ROS1: variants seen among roughly 807,000 people sequenced by gnomAD.
ROS1 encodes the protein ROS proto-oncogene 1, receptor tyrosine kinase.
A neutral mutation model predicts 273.5 loss-of-function variants in ROS1; 263 were observed. The ratio of observed to expected loss-of-function variants is 0.96; its 90% CI spans 0.87 to 1.06. The LOEUF (loss-of-function observed/expected upper bound fraction) is 1.06. Ranked by LOEUF, ROS1 falls within the 50% of genes least tolerant of loss-of-function variation. The pLI is 0.00. For synonymous variants in ROS1, 1,008 were observed against 954.1 expected, an observed-to-expected ratio of 1.06 and a Z score of -1.04; for missense variants, 2,833 against 2,751.1, an observed-to-expected ratio of 1.03 and a Z score of -0.67.
chr6:117,383,401 G>C lies in ROS1; in HGVS notation c.2397C>G (p.Thr799=). ...VDSVGGYLYW[T]TLYSVESTRL... is the part of the protein sequence containing the mutation. ...TGGTGCTTTCCACTGAATAGAGTGT[G>C]GTCCAGTAGAGATATCCACCAACTG... The change falls in exon 17 of 44, where the codon ACC becomes ACG. Residue 799 remains threonine, a synonymous_variant. Coordinates refer to ENST00000368507, the MANE Select transcript of ROS1 (RefSeq NM_001378902.1). The C allele has an allele frequency of 6.2e-7, 1 of 1,613,776 alleles. No individual in the cohort carries two copies. The highest frequency in any genetic ancestry group is 8.5e-7 in the Non-Finnish European group (1 of 1,179,742).
chr6:117,354,734 G>A (rs954955636), intron 26 of ROS1, among the ~76,000 whole-genome samples: 25 of 152,072 alleles, frequency 1.6e-4, no homozygotes, highest in African/African-American at 6.0e-4. Context: ...ATATATAATG[G>A]TCTACTAGGT....
intron 16 of ROS1, among the ~76,000 whole-genome samples, chr6:117,384,277 A>G (rs891724046): frequency 6.6e-6 from 1 of 152,134 alleles, no homozygotes; most frequent in Admixed American, 6.6e-5. Context: ...ATTGCTTCAT[A>G]TGCTTCTTTA....
At chr6:117,362,519 T>A in intron 22 of ROS1, 84 bp downstream of exon 22, 1 of 1,334,584 alleles carries the variant, frequency 7.5e-7, no homozygotes, top group East Asian at 2.3e-5. Context: ...ATTTACACTG[T>A]AACATATCCC....
chr6:117,383,424 C>G lies in ROS1; in HGVS notation c.2374G>C (p.Val792Leu). The part of the protein sequence containing the change: ...LLVNDMVVDS[V>L]GGYLYWTTLY... ...GTGGTCCAGTAGAGATATCCACCAA[C>G]TGAATCCACCACCATGTCATTCACC... The change falls in exon 17 of 44, where the codon GTT (valine) becomes CTT (leucine). Residue 792 changes from valine to leucine, a missense_variant. Physicochemically the swap from Val to Leu is conservative, Grantham distance 32. Coordinates refer to ENST00000368507, the MANE Select transcript of ROS1 (RefSeq NM_001378902.1). The G allele has an allele frequency of 6.2e-7, 1 of 1,614,066 alleles. No individual in the cohort carries two copies. Among genetic ancestry groups the G allele is most frequent in the Non-Finnish European group, 8.5e-7 (1 of 1,179,916 alleles).
At chr6:117,314,534 T>C (rs1024814574) in intron 39 of ROS1, among the ~76,000 whole-genome samples, 1 of 152,114 alleles carries the variant, frequency 6.6e-6, no homozygotes, top group African/African-American at 2.4e-5. Context: ...CTACCACAGA[T>C]GAAGGCTTTT....
In ROS1 at chr6:117,409,791, T is replaced by C; in HGVS notation, c.256-149A>G. 4.6e-6 allele frequency: 3 copies of C among 657,084 alleles called. No homozygotes were observed. The East Asian group carries it at 8.2e-5, about 18-fold the overall frequency. The allele number at this position is 657,084 out of a possible 1,614,324, so 40.7% of individuals were successfully genotyped here. ...AAATCTTTGAAATCGGAGTGCCTAA[T>C]ACGCAAGTACATCTTTATGTCAACT... On this transcript the variant is annotated intron_variant, in intron 4 of 43. Transcript: ENST00000368507.
chr6:117,307,808 CT>C (rs1775222222), intron 42 of ROS1, among the ~76,000 whole-genome samples: 1 of 152,154 alleles, frequency 6.6e-6, no homozygotes, highest in African/African-American at 2.4e-5. Context: ...GAATAATCCT[CT>C]AAATAACACA....
At position 117,317,220 on chromosome 6, in the gene ROS1, C is replaced by T. The variant is rs2128555663; in HGVS notation, c.6040G>A (p.Glu2014Lys). ...AGTTCCAGGATAATGTATTGGGGTTCATTCAGCAGACAAACTCCAAGCTGC... is the reference window on the plus strand; with the variant it reads ...AGTTCCAGGATAATGTATTGGGGTTTATTCAGCAGACAAACTCCAAGCTGC... ...LKQLGVCLLN[E>K]PQYIILELME... Residue 2014 changes from glutamate (E) to lysine (K), a missense_variant, in exon 39 of 44, where the codon GAA becomes AAA. Transcript: ENST00000368507. 1 of 1,613,188 alleles carries T rather than the reference C, an allele frequency of 6.2e-7. No individual in the cohort carries two copies. The highest frequency in any genetic ancestry group is 1.3e-5 in the African/African-American group (1 of 74,950).
intron 9 of ROS1, 100 bp downstream of exon 9, chr6:117,396,088 T>C (rs1582840757): frequency 1.2e-5 from 8 of 661,402 alleles, no homozygotes; most frequent in Middle Eastern, 2.6e-4. Context: ...GCAGAAGAGG[T>C]GGGTCTTGAG....
rs3086754 is a variant in ROS1 at position 117,287,917 on chromosome 6, CAAAA to C, written c.*571_*574del. Among the ~76,000 whole-genome samples, 186 of 129,580 alleles carry C rather than the reference CAAAA, an allele frequency of 1.4e-3. 2 individuals are homozygous for C. The highest frequency in any genetic ancestry group is 2.9e-3 in the African/African-American group (105 of 36,248). The allele number at this position is 129,580 out of a possible 152,430, so 85.0% of individuals were successfully genotyped here. A position where few individuals can be genotyped will look rare whatever the true frequency, so the allele number is the denominator to read the frequency against. On this transcript the variant is annotated 3_prime_UTR_variant, in exon 44 of 44. Coordinates refer to ENST00000368507, the MANE Select transcript of ROS1 (RefSeq NM_001378902.1). ...TGGGCAACAGAGCAAGACTTCGTCTCAAAAAAAAAAAAAAAAAATTAAAAAAAGA... is the reference window on the plus strand; with the variant it reads ...TGGGCAACAGAGCAAGACTTCGTCTCAAAAAAAAAAAAAATTAAAAAAAGA...
intron 31 of ROS1, among the ~76,000 whole-genome samples, chr6:117,339,498 T>TA (rs1354044650): frequency 6.6e-6 from 1 of 152,164 alleles, no homozygotes; most frequent in Non-Finnish European, 1.5e-5. Flanking sequence ...AGTATGCAGT[T>TA]ACGGTATTAT....
intron 35 of ROS1, among the ~76,000 whole-genome samples, chr6:117,322,946 T>C (rs1776380031): frequency 6.6e-6 from 1 of 152,144 alleles, no homozygotes; most frequent in Admixed American, 6.5e-5. Flanking sequence ...ACTAGAGTTA[T>C]GGGTTTAAAC....
rs371063080 is a variant in ROS1 at position 117,288,502 on chromosome 6, C to A, written c.7016G>T (p.Gly2339Val). 1 of 1,612,134 alleles carries A rather than the reference C, an allele frequency of 6.2e-7. No homozygotes were observed. Among genetic ancestry groups the A allele is most frequent in the Non-Finnish European group, 8.5e-7 (1 of 1,179,320 alleles). The stretch of plus-strand genomic sequence containing the variant: ...TCCCAAACAACGCTATTAATCAGAC[C>A]CATCTCCATATCCACTGTGAGTGAG... ...ACLTHSGYGD[G>V]SD is the part of the protein sequence containing the mutation. Residue 2339 changes from glycine (G) to valine (V), a missense_variant, in exon 44 of 44, where the codon GGG becomes GTG. Gly to Val is a moderately radical substitution (Grantham distance 109, BLOSUM62 -3). Transcript: ENST00000368507.
In ROS1 at chr6:117,414,554, A is replaced by G. The variant is rs749271413; in HGVS notation, c.229-9T>C. On this transcript the variant is annotated splice_polypyrimidine_tract_variant and intron_variant, in intron 3 of 43. Coordinates refer to ENST00000368507, the MANE Select transcript of ROS1 (RefSeq NM_001378902.1). ...GTGGCATAAGTATCATTCTGCATAG[A>G]AAAAAAAAAAGACTACTTAAAATCT... 1.5e-5 allele frequency: 4 copies of G among 262,206 alleles called. No individual in the cohort carries two copies. The highest frequency in any genetic ancestry group is 1.2e-4 in the African/African-American group (4 of 33,932). 16.2% of individuals were successfully genotyped at this position (262,206 alleles called of 1,614,324 possible).
intron 27 of ROS1, 131 bp from the exon 28 acceptor site, chr6:117,344,393 C>T (rs1778205516): frequency 1.6e-6 from 1 of 640,336 alleles, no homozygotes. Context: ...TGCTTGAAAA[C>T]ATAAATATGA....
chr6:117,368,937 C>A (rs1177116149), intron 18 of ROS1, among the ~76,000 whole-genome samples: 2 of 151,108 alleles, frequency 1.3e-5, no homozygotes, highest in East Asian at 3.9e-4. Flanking sequence ...GATATGTTAT[C>A]AAAATATTAA....
intron 5 of ROS1, among the ~76,000 whole-genome samples, chr6:117,406,182 C>T (rs1176109565): frequency 6.6e-6 from 1 of 151,940 alleles, no homozygotes; most frequent in African/African-American, 2.4e-5. Context: ...TACACACACA[C>T]ATATACATGC....
intron 39 of ROS1, among the ~76,000 whole-genome samples, chr6:117,311,385 A>C (rs1775535718): frequency 6.6e-6 from 1 of 152,164 alleles, no homozygotes; most frequent in Admixed American, 6.6e-5. Context: ...TCCAGGTGTC[A>C]GGTCAGACAG....
intron 43 of ROS1, among the ~76,000 whole-genome samples, chr6:117,297,773 A>T (rs1192509764): frequency 6.6e-6 from 1 of 152,206 alleles, no homozygotes; most frequent in Non-Finnish European, 1.5e-5. Flanking sequence ...TGTTGGTGGG[A>T]ATGTAAATTA....
Sources: allele counts gnomAD v4.1 joint callset (sites outside exome capture counted in the v4.1 genomes callset), GRCh38; gene constraint gnomAD v4.1.1; transcripts MANE v1.5; gene names NCBI Gene and HGNC (gene_info 2026-07-23, HGNC 2026-07-21).